The following IQCH variants were observed in gnomAD, a reference collection of about 807,000 sequenced individuals.
The protein encoded by IQCH is IQ motif containing H.
IQCH carries 98 observed loss-of-function variants against 117.0 expected under a neutral mutation model. That is an observed-to-expected ratio of 0.84 (90% CI 0.71 to 0.99). IQCH has a LOEUF of 0.99. Among genes scored for constraint, IQCH ranks in the 50% least tolerant of loss-of-function variants. The pLI is 0.00. For missense variants in IQCH, 1,102 were observed against 1,243.8 expected (o/e 0.89, Z 1.72); for synonymous variants, 412 against 448.2 (o/e 0.92, Z 1.02).
chr15:67,451,031 C>T (rs1455581213), intron 16 of IQCH, among the ~76,000 whole-genome samples: 1 of 152,200 alleles, frequency 6.6e-6, no homozygotes, highest in Non-Finnish European at 1.5e-5. Flanking sequence ...ATAGTATTCT[C>T]TGATGGTAGT....
chr15:67,255,947 G>A (rs1164530880), intron 1 of IQCH, among the ~76,000 whole-genome samples: 2 of 152,110 alleles, frequency 1.3e-5, no homozygotes, highest in African/African-American at 4.8e-5. Context: ...AAACTGCGAA[G>A]TCTGAGGGAA....
chr15:67,395,145 T>C lies in IQCH; in HGVS notation c.1633-146T>C, dbSNP rs952707040. ...TTATGGAACCTCACCCCAACAGCTT[T>C]TATCAATTTAAACTGCTAAACAACA... On this transcript the variant is annotated intron_variant, in intron 12 of 20. Coordinates refer to ENST00000335894, the MANE Select transcript of IQCH (RefSeq NM_001031715.3). The surrounding 1 kb of genome is among the most constrained non-coding windows in gnomAD (Gnocchi z 4.0). 3.5e-6 allele frequency: 3 copies of C among 869,162 alleles called. No homozygotes were observed. The East Asian group carries it at 7.4e-5, about 21-fold the overall frequency. 53.8% of individuals were successfully genotyped at this position (869,162 alleles called of 1,614,324 possible). A position where few individuals can be genotyped will look rare whatever the true frequency, so the allele number is the denominator to read the frequency against.
intron 6 of IQCH, among the ~76,000 whole-genome samples, chr15:67,346,239 A>G (rs1166845844): frequency 6.6e-6 from 1 of 152,240 alleles, no homozygotes; most frequent in East Asian, 1.9e-4. Flanking sequence ...TATAAAATAC[A>G]TGAAGCAAAA....
chr15:67,478,780 T>C (rs960378921), intron 18 of IQCH, among the ~76,000 whole-genome samples: 5 of 151,762 alleles, frequency 3.3e-5, no homozygotes, highest in African/African-American at 9.7e-5. Flanking sequence ...AAAAATTAGC[T>C]GGGTGTGTTG....
At chr15:67,486,303 G>T (rs2083478891) in intron 18 of IQCH, among the ~76,000 whole-genome samples, 1 of 152,002 alleles carries the variant, frequency 6.6e-6, no homozygotes, top group East Asian at 1.9e-4. Context: ...CTCCCAAAGT[G>T]CTGGGATTAC....
At position 67,425,242 on chromosome 15, in the gene IQCH, A is replaced by G. The variant is rs2081855240; in HGVS notation, c.2505+3665A>G. Among the ~76,000 whole-genome samples, 1 of 152,214 alleles carries G rather than the reference A, an allele frequency of 6.6e-6. No individual in the cohort carries two copies. Among genetic ancestry groups the G allele is most frequent in the African/African-American group, 2.4e-5 (1 of 41,450 alleles). On this transcript the variant is annotated intron_variant, in intron 16 of 20. Coordinates refer to ENST00000335894, the MANE Select transcript of IQCH (RefSeq NM_001031715.3). This position sits in a 1 kb window ranked among gnomAD's most constrained non-coding sequence, Gnocchi z 5.5. The stretch of plus-strand genomic sequence containing the variant: ...ATTCTTTGACTATTATACATCTTGT[A>G]AATACCTTCTCTCAGATTGTCATTT...
At chr15:67,397,851 G>A (rs1378185096) in intron 13 of IQCH, among the ~76,000 whole-genome samples, 2 of 152,170 alleles carry the variant, frequency 1.3e-5, no homozygotes, top group African/African-American at 4.8e-5. Context: ...AATCTAGCAT[G>A]AACACAGTGA....
intron 3 of IQCH, among the ~76,000 whole-genome samples, chr15:67,274,128 G>C (rs978638061): frequency 6.6e-5 from 10 of 152,130 alleles, no homozygotes; most frequent in Non-Finnish European, 1.2e-4. Flanking sequence ...AGTTTGATTA[G>C]TATATGTTGG....
At chr15:67,471,944 C>G (rs2083080121) in intron 17 of IQCH, among the ~76,000 whole-genome samples, 1 of 152,148 alleles carries the variant, frequency 6.6e-6, no homozygotes, top group Admixed American at 6.5e-5. Flanking sequence ...CACCAAGCAT[C>G]AGGAGACAAA....
At chr15:67,498,628 A>AAAAAATT (rs60915720) in intron 20 of IQCH, among the ~76,000 whole-genome samples, 21 of 148,750 alleles carry the variant, frequency 1.4e-4, no homozygotes, top group East Asian at 2.0e-4. Context: ...AAAAAAAAAA[A>AAAAAATT]TAAGTTAAAA....
chr15:67,295,771 C>T (rs1814879553), intron 4 of IQCH, among the ~76,000 whole-genome samples: 2 of 152,184 alleles, frequency 1.3e-5, no homozygotes, highest in Admixed American at 1.3e-4. Context: ...TGTGCCTTCT[C>T]TCTAATCATA....
At chr15:67,333,293 C>G (rs1349535647) in intron 4 of IQCH, among the ~76,000 whole-genome samples, 1 of 152,204 alleles carries the variant, frequency 6.6e-6, no homozygotes, top group Non-Finnish European at 1.5e-5. Flanking sequence ...AACAACAAAT[C>G]TGAACAGAGC....
At position 67,421,277 on chromosome 15, in the gene IQCH, GT is replaced by G; in HGVS notation, c.2219-9del. ...GCATGTGTCCTTTCACCTACTCCATGTTTTTCCCACCAGGGGGTGTGATCGA... is the reference window on the plus strand; with the variant it reads ...GCATGTGTCCTTTCACCTACTCCATGTTTTCCCACCAGGGGGTGTGATCGA... On this transcript the variant is annotated splice_polypyrimidine_tract_variant and intron_variant, in intron 15 of 20. Coordinates refer to ENST00000335894, the MANE Select transcript of IQCH (RefSeq NM_001031715.3). 6.2e-7 allele frequency: 1 copy of G among 1,609,702 alleles called. No individual in the cohort carries two copies. Among genetic ancestry groups the G allele is most frequent in the Non-Finnish European group, 8.5e-7 (1 of 1,176,996 alleles).
Position 67,385,167 on chromosome 15 carries a change from T to A in IQCH, c.1456+148T>A. The A allele has an allele frequency of 2.3e-6, 1 of 440,228 alleles. No homozygotes were observed. The highest frequency in any genetic ancestry group is 4.1e-6 in the Non-Finnish European group (1 of 245,432). 27.3% of individuals were successfully genotyped at this position (440,228 alleles called of 1,614,324 possible). ...ATGTTTAATCTACTTACAGGGCAAT[T>A]AAATGTTTTATTTTAAAAAACATAT... On this transcript the variant is annotated intron_variant, in intron 11 of 20. Coordinates refer to ENST00000335894, the MANE Select transcript of IQCH (RefSeq NM_001031715.3). The surrounding 1 kb of genome is among the most constrained non-coding windows in gnomAD (Gnocchi z 4.6).
Position 67,475,806 on chromosome 15 carries a change from C to T in IQCH, c.2787C>T (p.Gly929=). The change falls in exon 18 of 21, where the codon GGC becomes GGT. Residue 929 remains glycine (G), a synonymous_variant. Coordinates refer to ENST00000335894, the MANE Select transcript of IQCH (RefSeq NM_001031715.3). The surrounding 1 kb of genome is among the most constrained non-coding windows in gnomAD (Gnocchi z 5.7). ...FLQICRAHGI[G]YDVEERQGTV... is the part of the protein sequence containing the mutation. The stretch of plus-strand genomic sequence containing the variant: ...AGATCTGTAGGGCCCATGGCATTGG[C>T]TATGATGTTGAGGTATGAAGGGTTA... 6.2e-7 allele frequency: 1 copy of T among 1,614,038 alleles called. No homozygotes were observed. The highest frequency in any genetic ancestry group is 8.5e-7 in the Non-Finnish European group (1 of 1,179,904).
chr15:67,500,759 G>A lies in IQCH; in HGVS notation c.*13G>A. ...ACCCAAGAAATGATCCTGGAATACA[G>A]TACATAACAATTTGGATCCCAGTCT... On this transcript the variant is annotated 3_prime_UTR_variant, in exon 21 of 21. Transcript: ENST00000335894. This position sits in a 1 kb window ranked among gnomAD's most constrained non-coding sequence, Gnocchi z 4.4. The A allele has an allele frequency of 2.2e-6, 3 of 1,354,772 alleles. No homozygotes were observed. Among genetic ancestry groups the A allele is most frequent in the Non-Finnish European group, 3.1e-6 (3 of 974,030 alleles). The allele number at this position is 1,354,772 out of a possible 1,614,324, so 83.9% of individuals were successfully genotyped here. A position where few individuals can be genotyped will look rare whatever the true frequency, so the allele number is the denominator to read the frequency against.
In IQCH at chr15:67,443,768, T is replaced by C. The variant is rs1236911346; in HGVS notation, c.2506-21359T>C. On this transcript the variant is annotated intron_variant, in intron 16 of 20. Transcript: ENST00000335894. The surrounding 1 kb of genome is among the most constrained non-coding windows in gnomAD (Gnocchi z 5.0). Reference sequence around the variant, plus strand: ...CTAGCCCTAGCTCAGATCTGAAGTATAGCACTGATGGCCAGAGTAATTACG... The same window carrying C: ...CTAGCCCTAGCTCAGATCTGAAGTACAGCACTGATGGCCAGAGTAATTACG... 1.3e-5 allele frequency among the ~76,000 whole-genome samples: 2 copies of C among 152,220 alleles called. No homozygotes were observed. The highest frequency in any genetic ancestry group is 4.8e-5 in the African/African-American group (2 of 41,448).
At chr15:67,379,458 C>A (rs1281580272) in intron 10 of IQCH, among the ~76,000 whole-genome samples, 1 of 152,140 alleles carries the variant, frequency 6.6e-6, no homozygotes, top group Admixed American at 6.5e-5. Flanking sequence ...ATAGTTTTTA[C>A]CTTGCAGACT....
Position 67,421,480 on chromosome 15 carries a change from G to A in IQCH, c.2408G>A (p.Cys803Tyr), listed in dbSNP as rs771714562. 1 of 1,614,156 alleles carries A rather than the reference G, an allele frequency of 6.2e-7. No homozygotes were observed. The highest frequency in any genetic ancestry group is 1.1e-5 in the South Asian group (1 of 91,084). ...SVDPQVLTYLCLQIGKACRMR... is the reference protein window; with the variant it reads ...SVDPQVLTYLYLQIGKACRMR... ...GATCCCCAAGTTCTCACTTATTTGT[G>A]CCTCCAAATTGGAAAAGCCTGCAGA... The change falls in exon 16 of 21, where the codon TGC (cysteine) becomes TAC (tyrosine). Residue 803 changes from cysteine to tyrosine, a missense_variant. Coordinates refer to ENST00000335894, the MANE Select transcript of IQCH (RefSeq NM_001031715.3).
Sources: gnomAD v4.1 joint callset for allele counts (sites outside exome capture counted in the v4.1 genomes callset) on GRCh38, gnomAD v4.1.1 for gene constraint, Gnocchi (gnomAD v3.1) non-coding constraint, MANE v1.5 for transcripts, NCBI Gene and HGNC (gene_info 2026-07-23, HGNC 2026-07-21) for gene names.